Variants in ERC2 observed in about 807,000 individuals in gnomAD.
The protein encoded by ERC2 is ERC protein 2.
ERC2 carries 42 observed loss-of-function variants against 114.8 expected under a neutral mutation model. The ratio of observed to expected loss-of-function variants is 0.37; its 90% CI spans 0.29 to 0.47. The LOEUF (loss-of-function observed/expected upper bound fraction) is 0.47. Ranked by LOEUF, ERC2 falls within the 20% of genes least tolerant of loss-of-function variation. The pLI, the probability that ERC2 is intolerant of heterozygous loss-of-function variation, is 0.99. For synonymous variants in ERC2, 454 were observed against 425.5 expected, an observed-to-expected ratio of 1.07 and a Z score of -0.82; for missense variants, 939 against 1,150.7, an observed-to-expected ratio of 0.82 and a Z score of 2.66.
chr3:56,155,119 C>A (rs1312811054), intron 4 of ERC2, among the ~76,000 whole-genome samples: 1 of 152,122 alleles, frequency 6.6e-6, no homozygotes, highest in Admixed American at 6.5e-5. Flanking sequence ...ATATCTATTA[C>A]TTTTTTGGTC....
chr3:55,630,541 G>T (rs2148625215), intron 17 of ERC2, among the ~76,000 whole-genome samples: 1 of 152,306 alleles, frequency 6.6e-6, no homozygotes, highest in South Asian at 2.1e-4. Flanking sequence ...AGAAAGGGGA[G>T]ATTACACTGG....
intron 14 of ERC2, among the ~76,000 whole-genome samples, chr3:55,804,214 A>G (rs1273595648): frequency 1.3e-5 from 2 of 152,190 alleles, no homozygotes; most frequent in African/African-American, 4.8e-5. Context: ...GGTCTAGTAA[A>G]GTGGCCACAA....
chr3:55,584,846 C>A (rs747680917), intron 17 of ERC2, among the ~76,000 whole-genome samples: 1 of 152,186 alleles, frequency 6.6e-6, no homozygotes, highest in African/African-American at 2.4e-5. Context: ...TTGGGCATTC[C>A]CGCCCCAAGA....
At chr3:56,434,154 G>A (rs185115102) in intron 2 of ERC2, 197 bp downstream of exon 2, 20 of 567,162 alleles carry the variant, frequency 3.5e-5, no homozygotes, top group South Asian at 7.5e-5. Flanking sequence ...AAAGGTTATC[G>A]GAAAATAAGG....
chr3:56,185,025 A>G (rs929297996), intron 3 of ERC2: 2 of 152,210 alleles, frequency 1.3e-5, no homozygotes, highest in African/African-American at 4.8e-5. Flanking sequence ...AATTGGGCCA[A>G]TCTGCCACTG....
chr3:55,516,098 G>A (rs1490574002), intron 17 of ERC2, among the ~76,000 whole-genome samples: 1 of 152,128 alleles, frequency 6.6e-6, no homozygotes, highest in Non-Finnish European at 1.5e-5. Flanking sequence ...TGCACGTGGT[G>A]CCCACATAAA....
intron 17 of ERC2, among the ~76,000 whole-genome samples, chr3:55,551,383 C>T (rs111232977): frequency 0.02 from 2,999 of 151,848 alleles, 94 homozygotes; most frequent in African/African-American, 0.068. Context: ...ACTAGCCAGG[C>T]GTGGTTGTGG....
chr3:56,173,428 A>G lies in ERC2; in HGVS notation c.1149+18T>C. On this transcript the variant is annotated intron_variant, in intron 4 of 17. Transcript: ENST00000288221. ...TCCCAAGGCATAACTGTTTCTGACA[A>G]AAGTGCACAGTTCCTACCTTCATTT... 6.2e-7 allele frequency: 1 copy of G among 1,611,844 alleles called. No individual in the cohort carries two copies. The highest frequency in any genetic ancestry group is 1.1e-5 in the South Asian group (1 of 91,036).
chr3:56,360,281 G>C (rs986988257), intron 2 of ERC2, among the ~76,000 whole-genome samples: 1 of 151,856 alleles, frequency 6.6e-6, no homozygotes, highest in African/African-American at 2.4e-5. Context: ...TGATCCGCCT[G>C]CCTCAGCCTC....
intron 3 of ERC2, among the ~76,000 whole-genome samples, chr3:56,288,559 T>A (rs1463060543): frequency 6.6e-6 from 1 of 152,190 alleles, no homozygotes. Context: ...CATGTAGCAT[T>A]CAAACTTAAA....
intron 12 of ERC2, among the ~76,000 whole-genome samples, chr3:55,955,427 C>T (rs538879143): frequency 2.3e-4 from 35 of 152,142 alleles, no homozygotes; most frequent in Non-Finnish European, 4.4e-4. Flanking sequence ...GATCACTACT[C>T]TAATCTTTAT....
At chr3:56,461,772 C>G (rs2063329866) in intron 1 of ERC2, among the ~76,000 whole-genome samples, 1 of 152,150 alleles carries the variant, frequency 6.6e-6, no homozygotes, top group Non-Finnish European at 1.5e-5. Context: ...AATCTGGACC[C>G]TAAATTTCCA....
intron 9 of ERC2, among the ~76,000 whole-genome samples, chr3:56,008,581 T>G (rs2072679638): frequency 6.6e-6 from 1 of 152,172 alleles, no homozygotes. Flanking sequence ...CATATTGTTT[T>G]CCTTTATAAA....
chr3:56,083,534 TTGATA>T (rs1409082996), intron 6 of ERC2, among the ~76,000 whole-genome samples: 3 of 152,168 alleles, frequency 2.0e-5, no homozygotes, highest in African/African-American at 7.2e-5. Context: ...AATTTATACT[TTGATA>T]TAATTATAAT....
intron 17 of ERC2, among the ~76,000 whole-genome samples, chr3:55,553,341 T>G (rs1450744158): frequency 6.6e-6 from 1 of 152,016 alleles, no homozygotes; most frequent in Admixed American, 6.6e-5. Flanking sequence ...ATTTTTCTTA[T>G]GATGATAACA....
intron 2 of ERC2, among the ~76,000 whole-genome samples, chr3:56,313,126 A>C (rs2056690784): frequency 6.7e-6 from 1 of 148,150 alleles, no homozygotes; most frequent in Non-Finnish European, 1.5e-5. Flanking sequence ...ATAAAAAAGT[A>C]ATATGAATGG....
chr3:56,295,119 G>A (rs2150355294), intron 3 of ERC2, among the ~76,000 whole-genome samples: 1 of 152,190 alleles, frequency 6.6e-6, no homozygotes, highest in East Asian at 1.9e-4. Context: ...ATACTGCCAA[G>A]AAATCTAGTT....
chr3:56,338,731 G>A (rs139005015), intron 2 of ERC2, among the ~76,000 whole-genome samples: 227 of 152,296 alleles, frequency 1.5e-3, no homozygotes, highest in African/African-American at 4.7e-3. Context: ...TTCTGAGGGG[G>A]GAATATGACC....
intron 15 of ERC2, among the ~76,000 whole-genome samples, chr3:55,703,865 T>C (rs190240590): frequency 2.6e-5 from 4 of 152,306 alleles, no homozygotes; most frequent in East Asian, 1.9e-4. Flanking sequence ...GTGCATAGCT[T>C]TGGAGCTGTT....
Sources: gnomAD v4.1 joint callset for allele counts (sites outside exome capture counted in the v4.1 genomes callset) on GRCh38, gnomAD v4.1.1 for gene constraint, MANE v1.5 for transcripts, NCBI Gene and HGNC (gene_info 2026-07-23, HGNC 2026-07-21) for gene names.